The following EYS variants were observed in gnomAD, a reference collection of about 807,000 sequenced individuals.
The protein encoded by EYS is EGF-like photoreceptor maintenance factor.
Under a neutral mutation model 282.1 loss-of-function variants are expected in EYS, and 250 were observed. That is an observed-to-expected ratio of 0.89 (90% CI 0.80 to 0.98). The LOEUF (loss-of-function observed/expected upper bound fraction) is 0.98, where lower values mean the gene tolerates loss of function less well. Among genes scored for constraint, EYS ranks in the 50% least tolerant of loss-of-function variants. The pLI is 0.00. For synonymous variants in EYS, 1,355 were observed against 1,282.9 expected, an observed-to-expected ratio of 1.06 and a Z score of -1.20; for missense variants, 4,016 against 3,709.0, an observed-to-expected ratio of 1.08 and a Z score of -2.15.
intron 26 of EYS, among the ~76,000 whole-genome samples, chr6:64,458,869 TCATCAAGGCA>T (rs1271855591): frequency 6.6e-6 from 1 of 152,174 alleles, no homozygotes; most frequent in Non-Finnish European, 1.5e-5. Flanking sequence ...TGGGCTTCAT[TCATCAAGGCA>T]CATATTTTTT....
intron 12 of EYS, among the ~76,000 whole-genome samples, chr6:65,155,016 A>G (rs889698956): frequency 6.6e-6 from 1 of 151,592 alleles, no homozygotes; most frequent in Non-Finnish European, 1.5e-5. Flanking sequence ...CATATAATAC[A>G]TCTTGAAATG....
chr6:65,100,975 A>G (rs114727018), intron 12 of EYS, among the ~76,000 whole-genome samples: 1 of 151,084 alleles, frequency 6.6e-6, no homozygotes, highest in African/African-American at 2.4e-5. Context: ...TTTGGGAAGT[A>G]CTGAATTATT....
At chr6:64,235,424 A>AT (rs1766567543) in intron 30 of EYS, among the ~76,000 whole-genome samples, 1 of 151,828 alleles carries the variant, frequency 6.6e-6, no homozygotes, top group South Asian at 2.1e-4. Context: ...TGAACTCATC[A>AT]TTTTTTATGG....
chr6:65,058,562 G>T (rs967409112), intron 12 of EYS, among the ~76,000 whole-genome samples: 1 of 150,754 alleles, frequency 6.6e-6, no homozygotes, highest in Non-Finnish European at 1.5e-5. Flanking sequence ...TAATATTATG[G>T]TGCCAGGGTG....
At chr6:64,294,537 C>T (rs1240329069) in intron 30 of EYS, among the ~76,000 whole-genome samples, 2 of 152,124 alleles carry the variant, frequency 1.3e-5, no homozygotes, top group African/African-American at 2.4e-5. Context: ...CATCACATGT[C>T]GTCTTCCAAG....
intron 12 of EYS, among the ~76,000 whole-genome samples, chr6:65,157,981 A>G (rs1208670429): frequency 2.0e-5 from 3 of 150,904 alleles, no homozygotes; most frequent in Admixed American, 6.6e-5. Flanking sequence ...ATGCTATGTT[A>G]TACTAGAAGG....
intron 7 of EYS, among the ~76,000 whole-genome samples, chr6:65,387,610 T>C (rs1041133038): frequency 1.3e-5 from 2 of 151,958 alleles, no homozygotes; most frequent in Non-Finnish European, 2.9e-5. Flanking sequence ...ATTGGAAGTA[T>C]ACTTTTGCTT....
rs150453034 is a variant in EYS, at chr6:63,747,026, G to A, written c.8071+15435C>T. On this transcript the variant is annotated intron_variant, in intron 41 of 42. Transcript: ENST00000503581. ...TCCTGTTCTTTTAATTGTGATGTTC[G>A]GGTGATGATTTTACATCTTTTCCAC... Among the ~76,000 whole-genome samples, 148 of 152,096 alleles carry A rather than the reference G, an allele frequency of 9.7e-4. 2 individuals are homozygous for A. Among genetic ancestry groups the A allele is most frequent in the Admixed American group, 7.7e-3 (117 of 15,270 alleles).
Position 65,495,049 on chromosome 6 carries a change from T to C in EYS, c.362A>G (p.Glu121Gly), listed in dbSNP as rs1766196909. 5.6e-6 allele frequency: 9 copies of C among 1,614,184 alleles called. No homozygotes were observed. Among genetic ancestry groups the C allele is most frequent in the Non-Finnish European group, 6.8e-6 (8 of 1,180,038 alleles). The change falls in exon 4 of 43, where the codon GAA becomes GGA. Residue 121 changes from glutamate to glycine, a missense_variant. Coordinates refer to ENST00000503581, the MANE Select transcript of EYS (RefSeq NM_001142800.2). The part of the protein sequence containing the change: ...FVGCVQNTTT[E>G]DQLLFGCRLK... ...TCTGCAGCCAAAAAGTAACTGATCT[T>C]CCGTTGTGGTATTTTGCACACAGCC...
At chr6:65,645,547 T>C (rs1182902433) in intron 1 of EYS, among the ~76,000 whole-genome samples, 1 of 152,174 alleles carries the variant, frequency 6.6e-6, no homozygotes, top group Non-Finnish European at 1.5e-5. Flanking sequence ...AGAGGAATGT[T>C]CATAGGATTC....
chr6:64,394,890 A>T (rs1486669910), intron 28 of EYS, among the ~76,000 whole-genome samples: 2 of 152,210 alleles, frequency 1.3e-5, no homozygotes, highest in Non-Finnish European at 2.9e-5. Flanking sequence ...CATCTGACAA[A>T]GGGCTTATAT....
intron 5 of EYS, among the ~76,000 whole-genome samples, chr6:65,424,743 G>A (rs1044582982): frequency 6.6e-6 from 1 of 151,972 alleles, no homozygotes; most frequent in African/African-American, 2.4e-5. Flanking sequence ...ACTGAGGCAT[G>A]TACCGGTTAA....
intron 35 of EYS, among the ~76,000 whole-genome samples, chr6:63,921,946 T>G (rs1008628793): frequency 6.6e-6 from 1 of 152,162 alleles, no homozygotes; most frequent in African/African-American, 2.4e-5. Context: ...CGTAAGGAGA[T>G]AAAGTTAAAA....
rs1250918065 is a variant in EYS at position 63,782,556 on chromosome 6, C to T, written c.7724-4376G>A. 2.6e-5 allele frequency among the ~76,000 whole-genome samples: 4 copies of T among 152,196 alleles called. No homozygotes were observed. In the South Asian group the frequency reaches 6.2e-4, roughly 24 times the overall value. On this transcript the variant is annotated intron_variant, in intron 39 of 42. Coordinates refer to ENST00000503581, the MANE Select transcript of EYS (RefSeq NM_001142800.2). ...TTTGTGTAGAGGTGTTTATAGTATT[C>T]GCTGATGGTAGTTGGTATTTCTGTG...
chr6:64,407,980 G>A (rs190730051), intron 28 of EYS, among the ~76,000 whole-genome samples: 39 of 152,152 alleles, frequency 2.6e-4, no homozygotes, highest in Middle Eastern at 3.4e-3. Context: ...TGATTGACCC[G>A]CCTCTTCAAG....
intron 31 of EYS, among the ~76,000 whole-genome samples, chr6:64,155,994 GTGTGTGTGTGTGTATGTGTGTATGTTTA>G (rs1156374490): frequency 6.6e-6 from 1 of 150,604 alleles, no homozygotes; most frequent in Non-Finnish European, 1.5e-5. Context: ...ATATATATGT[GTGTGTGTGTGTGTATGTGTGTATGTTTA>G]TGTGTGTGTG....
intron 29 of EYS, among the ~76,000 whole-genome samples, chr6:64,326,898 T>G (rs1375337487): frequency 6.6e-6 from 1 of 152,054 alleles, no homozygotes; most frequent in Non-Finnish European, 1.5e-5. Flanking sequence ...GAAGGGGAGC[T>G]TGATCACATC....
intron 22 of EYS, among the ~76,000 whole-genome samples, chr6:64,653,014 T>C (rs1368103763): frequency 2.0e-5 from 3 of 152,202 alleles, no homozygotes; most frequent in African/African-American, 7.2e-5. Flanking sequence ...CCCCCGTATG[T>C]AACGTTATTT....
chr6:64,969,613 T>C (rs1562280808), intron 14 of EYS, among the ~76,000 whole-genome samples: 2 of 152,096 alleles, frequency 1.3e-5, no homozygotes, highest in Non-Finnish European at 2.9e-5. Context: ...ACTAGGACTG[T>C]AGAAGAAGCC....
Sources: gnomAD v4.1 joint callset for allele counts (sites outside exome capture counted in the v4.1 genomes callset) on GRCh38, gnomAD v4.1.1 for gene constraint, MANE v1.5 for transcripts, NCBI Gene and HGNC (gene_info 2026-07-23, HGNC 2026-07-21) for gene names.